Variants in ST6GALNAC3 observed in about 807,000 individuals in gnomAD.
ST6GALNAC3 encodes the protein ST6 N-acetylgalactosaminide alpha-2,6-sialyltransferase 3, also known as alpha-N-acetylgalactosaminide alpha-2,6-sialyltransferase 3.
ST6GALNAC3 carries 25 observed loss-of-function variants against 32.7 expected under a neutral mutation model. The observed-to-expected ratio is 0.76, with a 90% CI of 0.56 to 1.07. The LOEUF (loss-of-function observed/expected upper bound fraction) is 1.07, where lower values mean the gene tolerates loss of function less well. Among genes scored for constraint, ST6GALNAC3 ranks in the 50% least tolerant of loss-of-function variants. The pLI, the probability that ST6GALNAC3 is intolerant of heterozygous loss-of-function variation, is 0.00. For synonymous variants in ST6GALNAC3, 129 were observed against 133.1 expected (o/e 0.97, Z 0.21); for missense variants, 355 against 382.4 (o/e 0.93, Z 0.60).
chr1:76,329,498 C>A (rs1647146089), intron 2 of ST6GALNAC3, among the ~76,000 whole-genome samples: 1 of 152,100 alleles, frequency 6.6e-6, no homozygotes, highest in African/African-American at 2.4e-5. Flanking sequence ...AATGTCTCAC[C>A]TTCATGCCTT....
At chr1:76,588,177 A>G (rs1646991764) in intron 3 of ST6GALNAC3, among the ~76,000 whole-genome samples, 1 of 152,166 alleles carries the variant, frequency 6.6e-6, no homozygotes, top group Non-Finnish European at 1.5e-5. Context: ...AATGCTTAGT[A>G]GCCACAGGTA....
intron 1 of ST6GALNAC3, among the ~76,000 whole-genome samples, chr1:76,301,371 TA>T (rs917258591): frequency 6.7e-5 from 10 of 150,162 alleles, no homozygotes; most frequent in South Asian, 2.1e-4. Flanking sequence ...GGTGATGGTT[TA>T]AAAAAAAAAT....
intron 1 of ST6GALNAC3, among the ~76,000 whole-genome samples, chr1:76,154,079 C>G (rs1570222510): frequency 6.6e-6 from 1 of 152,250 alleles, no homozygotes; most frequent in East Asian, 1.9e-4. Flanking sequence ...GACATGAAAC[C>G]CAACCTGGCC....
chr1:76,449,618 A>G (rs990137208), intron 3 of ST6GALNAC3, among the ~76,000 whole-genome samples: 5 of 152,356 alleles, frequency 3.3e-5, no homozygotes, highest in East Asian at 1.9e-4. Flanking sequence ...TAGGTATGCC[A>G]TGATATTTCA....
intron 3 of ST6GALNAC3, among the ~76,000 whole-genome samples, chr1:76,559,318 A>G (rs1557571101): frequency 3.3e-5 from 5 of 152,202 alleles, no homozygotes; most frequent in Non-Finnish European, 7.4e-5. Flanking sequence ...ACAACTGCAC[A>G]TGCAAATGCA....
intron 2 of ST6GALNAC3, among the ~76,000 whole-genome samples, chr1:76,316,279 A>G (rs181526924): frequency 2.0e-4 from 30 of 152,252 alleles, no homozygotes; most frequent in South Asian, 4.1e-4. Context: ...ATTTCTAGTC[A>G]TGGATATCTA....
chr1:76,343,555 A>G (rs1442690205), intron 2 of ST6GALNAC3, among the ~76,000 whole-genome samples: 1 of 152,226 alleles, frequency 6.6e-6, no homozygotes, highest in Non-Finnish European at 1.5e-5. Flanking sequence ...GCATGCTGCC[A>G]GGATGAACAA....
At chr1:76,478,760 C>CTTTTTTTTTT (rs397861238) in intron 3 of ST6GALNAC3, among the ~76,000 whole-genome samples, 13 of 109,052 alleles carry the variant, frequency 1.2e-4, no homozygotes, top group South Asian at 3.1e-4. Flanking sequence ...TTTATTAATT[C>CTTTTTTTTTT]TTTTTTTTTT....
At chr1:76,500,091 G>A (rs1359541840) in intron 3 of ST6GALNAC3, among the ~76,000 whole-genome samples, 1 of 151,802 alleles carries the variant, frequency 6.6e-6, no homozygotes, top group Non-Finnish European at 1.5e-5. Context: ...AATCATAAAT[G>A]AAATTATTGA....
chr1:76,282,499 A>T (rs1659553524), intron 1 of ST6GALNAC3, among the ~76,000 whole-genome samples: 1 of 152,162 alleles, frequency 6.6e-6, no homozygotes, highest in African/African-American at 2.4e-5. Context: ...ATATGTCAAT[A>T]CTTGATTATT....
At chr1:76,188,370 AC>A (rs959944411) in intron 1 of ST6GALNAC3, among the ~76,000 whole-genome samples, 8 of 152,196 alleles carry the variant, frequency 5.3e-5, no homozygotes, top group Admixed American at 1.3e-4. Flanking sequence ...TCAAAAAAAA[AC>A]ATCTGTATGT....
intron 3 of ST6GALNAC3, among the ~76,000 whole-genome samples, chr1:76,592,768 G>A (rs1025321708): frequency 3.9e-5 from 6 of 152,078 alleles, no homozygotes; most frequent in Non-Finnish European, 8.8e-5. Flanking sequence ...TATCATATCA[G>A]GTATTGACCT....
intron 1 of ST6GALNAC3, among the ~76,000 whole-genome samples, chr1:76,076,703 G>C (rs943825131): frequency 1.3e-5 from 2 of 152,070 alleles, no homozygotes; most frequent in African/African-American, 4.8e-5. Context: ...TCCTCAGTCT[G>C]TTTCTTATAA....
At chr1:76,256,850 A>G (rs997913823) in intron 1 of ST6GALNAC3, among the ~76,000 whole-genome samples, 1 of 152,164 alleles carries the variant, frequency 6.6e-6, no homozygotes, top group African/African-American at 2.4e-5. Flanking sequence ...CTCCAGTCAC[A>G]AAAGTTAAAA....
intron 1 of ST6GALNAC3, among the ~76,000 whole-genome samples, chr1:76,159,048 T>C (rs370016): frequency 0.14 from 21,293 of 152,150 alleles, 1,731 homozygotes; most frequent in Non-Finnish European, 0.19. Flanking sequence ...AGGGAGGCAG[T>C]TTCCCTTTCC....
chr1:76,353,281 A>G (rs929693728), intron 2 of ST6GALNAC3, among the ~76,000 whole-genome samples: 2 of 151,960 alleles, frequency 1.3e-5, no homozygotes, highest in South Asian at 2.1e-4. Flanking sequence ...CTTCGGGCCC[A>G]CGCGTTTCTG....
chr1:76,082,747 T>C (rs1231346857), intron 1 of ST6GALNAC3, among the ~76,000 whole-genome samples: 4 of 152,116 alleles, frequency 2.6e-5, no homozygotes, highest in Admixed American at 6.5e-5. Flanking sequence ...CTCTCTTTCA[T>C]TTCCTGTGTG....
At chr1:76,452,788 C>T (rs1657502442) in intron 3 of ST6GALNAC3, among the ~76,000 whole-genome samples, 1 of 152,100 alleles carries the variant, frequency 6.6e-6, no homozygotes, top group Non-Finnish European at 1.5e-5. Flanking sequence ...GTGATACTGG[C>T]TTCATAGAAT....
Position 76,593,256 on chromosome 1 carries a change from G to C in ST6GALNAC3, c.624-34196G>C, listed in dbSNP as rs1489248242. ...GCAAGTGCTTATCAAACAAAATGCAGTACAGAAGCAAAGGAAGATTCTGTA... is the reference window on the plus strand; with the variant it reads ...GCAAGTGCTTATCAAACAAAATGCACTACAGAAGCAAAGGAAGATTCTGTA... On this transcript the variant is annotated intron_variant, in intron 3 of 4. Transcript: ENST00000328299. Among the ~76,000 whole-genome samples, 4 of 152,164 alleles carry C rather than the reference G, an allele frequency of 2.6e-5. No individual in the cohort carries two copies. In the East Asian group the frequency reaches 7.7e-4, roughly 29 times the overall value.
Sources: allele counts gnomAD v4.1 joint callset (sites outside exome capture counted in the v4.1 genomes callset), GRCh38; gene constraint gnomAD v4.1.1; transcripts MANE v1.5; gene names NCBI Gene and HGNC (gene_info 2026-07-23, HGNC 2026-07-21).